Variants in XKR4 observed in about 807,000 individuals in gnomAD.
The protein encoded by XKR4 is XK related 4.
A neutral mutation model predicts 53.9 loss-of-function variants in XKR4; 12 were observed. The observed-to-expected ratio is 0.22, with a 90% confidence interval of 0.14 to 0.36. The LOEUF (loss-of-function observed/expected upper bound fraction) is 0.36. XKR4 is among the 10% of genes least tolerant of loss of function. The pLI, the probability that XKR4 is intolerant of heterozygous loss-of-function variation, is 1.00. For synonymous variants in XKR4, 354 were observed against 362.4 expected, an observed-to-expected ratio of 0.98 and a Z score of 0.26; for missense variants, 799 against 859.5, an observed-to-expected ratio of 0.93 and a Z score of 0.88.
chr8:55,523,932 G>A lies in XKR4; in HGVS notation c.1658G>A (p.Arg553His). The A allele has an allele frequency of 2.5e-6, 4 of 1,614,134 alleles. No individual in the cohort carries two copies. The highest frequency in any genetic ancestry group is 3.4e-6 in the Non-Finnish European group (4 of 1,180,020). The change falls in exon 3 of 3, where the codon CGC becomes CAC. Residue 553 changes from arginine (R) to histidine (H), a missense_variant. Arg to His is a conservative substitution (Grantham distance 29, BLOSUM62 0). This residue lies in a region of XKR4 where 269 missense variants were observed against 264.4 expected (regional missense o/e 1.02). Transcript: ENST00000327381. The part of the protein sequence containing the change: ...TSTLRSISNN[R>H]SVVSDRDQKF... ...ACCCTACGGTCCATCTCCAACAACC[G>A]CAGTGTTGTCAGCGACCGCGATCAG...
chr8:55,305,697 G>A (rs1401306171), intron 1 of XKR4, among the ~76,000 whole-genome samples: 1 of 152,048 alleles, frequency 6.6e-6, no homozygotes, highest in Non-Finnish European at 1.5e-5. Context: ...ATAAATATTA[G>A]GACTGATGCT....
intron 2 of XKR4, among the ~76,000 whole-genome samples, chr8:55,502,525 C>T (rs981925213): frequency 6.6e-6 from 1 of 152,046 alleles, no homozygotes; most frequent in African/African-American, 2.4e-5. Flanking sequence ...ATCTGTGTAA[C>T]CTCTTTGAAG....
At chr8:55,485,695 G>A (rs746748829) in intron 2 of XKR4, among the ~76,000 whole-genome samples, 6 of 151,994 alleles carry the variant, frequency 3.9e-5, no homozygotes, top group Non-Finnish European at 5.9e-5. Context: ...CACCGTACCC[G>A]GCCTAAGTGT....
intron 1 of XKR4, among the ~76,000 whole-genome samples, chr8:55,106,735 A>T (rs1816155149): frequency 6.6e-6 from 1 of 152,148 alleles, no homozygotes; most frequent in South Asian, 2.1e-4. Context: ...GAAAATATGC[A>T]CATTGTAAAT....
chr8:55,439,451 G>A (rs1029515972), intron 2 of XKR4, among the ~76,000 whole-genome samples: 1 of 152,082 alleles, frequency 6.6e-6, no homozygotes, highest in East Asian at 1.9e-4. Flanking sequence ...GCAGATACTG[G>A]ATCTATTAGA....
rs78566756 is a variant in XKR4 at position 55,165,282 on chromosome 8, C to A, written c.806+61988C>A. 2.3e-3 allele frequency among the ~76,000 whole-genome samples: 356 copies of A among 152,026 alleles called. 1 individual carries two copies. Among genetic ancestry groups the A allele is most frequent in the African/African-American group, 8.3e-3 (343 of 41,452 alleles). On this transcript the variant is annotated intron_variant, in intron 1 of 2. Transcript: ENST00000327381. ...AGACAAAAGAGGAACCAGGGCTAATCAAAATGCCAGCTATTTTAAGATCTT... is the reference window on the plus strand; with the variant it reads ...AGACAAAAGAGGAACCAGGGCTAATAAAAATGCCAGCTATTTTAAGATCTT...
intron 1 of XKR4, among the ~76,000 whole-genome samples, chr8:55,340,894 G>A (rs1803535296): frequency 1.3e-5 from 2 of 152,194 alleles, no homozygotes; most frequent in Non-Finnish European, 2.9e-5. Flanking sequence ...GGTCACACAT[G>A]TGTCACCGCG....
chr8:55,304,778 G>T (rs1260515095), intron 1 of XKR4, among the ~76,000 whole-genome samples: 2 of 151,942 alleles, frequency 1.3e-5, no homozygotes, highest in African/African-American at 4.8e-5. Flanking sequence ...TTTGATCTTT[G>T]TTGGTTTAAG....
intron 2 of XKR4, among the ~76,000 whole-genome samples, chr8:55,413,727 C>T (rs1347403323): frequency 1.3e-5 from 2 of 152,144 alleles, no homozygotes; most frequent in African/African-American, 4.8e-5. Context: ...TTTTGCCACT[C>T]AAGCGATATT....
chr8:55,397,647 T>C (rs1157462847), intron 2 of XKR4, among the ~76,000 whole-genome samples: 2 of 151,580 alleles, frequency 1.3e-5, no homozygotes, highest in East Asian at 3.9e-4. Context: ...CACACACACA[T>C]GGGTGCACAC....
At position 55,537,537 on chromosome 8, in the gene XKR4, G is replaced by A. The variant is rs182818306; in HGVS notation, c.*13310G>A. 15 of 152,308 alleles carry A rather than the reference G, an allele frequency of 9.8e-5. No homozygotes were observed. In the East Asian group the frequency reaches 2.9e-3, roughly 29 times the overall value. 9.4% of individuals were successfully genotyped at this position (152,308 alleles called of 1,614,324 possible). A position where few individuals can be genotyped will look rare whatever the true frequency, so the allele number is the denominator to read the frequency against. ...GATTCACCGTGAGCAGGCACACAGAGTACGGAAAGGTATTCAACTATGCAA... is the reference window on the plus strand; with the variant it reads ...GATTCACCGTGAGCAGGCACACAGAATACGGAAAGGTATTCAACTATGCAA... On this transcript the variant is annotated 3_prime_UTR_variant, in exon 3 of 3. Coordinates refer to ENST00000327381, the MANE Select transcript of XKR4 (RefSeq NM_052898.2).
At chr8:55,149,396 G>T (rs1323524897) in intron 1 of XKR4, among the ~76,000 whole-genome samples, 2 of 152,170 alleles carry the variant, frequency 1.3e-5, no homozygotes, top group African/African-American at 4.8e-5. Context: ...AGGTCGGGGT[G>T]GGGACAGGAG....
intron 1 of XKR4, among the ~76,000 whole-genome samples, chr8:55,116,153 T>C (rs116244543): frequency 0.01 from 1,562 of 152,266 alleles, 32 homozygotes; most frequent in African/African-American, 0.035. Flanking sequence ...AGTTTGTGTA[T>C]GCTGGCTGGA....
At chr8:55,177,805 G>T (rs1456687217) in intron 1 of XKR4, among the ~76,000 whole-genome samples, 1 of 152,124 alleles carries the variant, frequency 6.6e-6, no homozygotes, top group African/African-American at 2.4e-5. Context: ...CATTTGTCAT[G>T]GTTGTTCTTC....
At chr8:55,348,938 C>T (rs895874289) in intron 1 of XKR4, among the ~76,000 whole-genome samples, 7 of 152,064 alleles carry the variant, frequency 4.6e-5, no homozygotes, top group African/African-American at 1.7e-4. Flanking sequence ...GAGTGGTTTC[C>T]ACAGACTTTG....
At chr8:55,341,137 T>C (rs916101069) in intron 1 of XKR4, among the ~76,000 whole-genome samples, 1 of 152,114 alleles carries the variant, frequency 6.6e-6, no homozygotes, top group Non-Finnish European at 1.5e-5. Context: ...AAGAGGTTTA[T>C]TTAAAGGTGG....
chr8:55,113,256 C>T lies in XKR4; in HGVS notation c.806+9962C>T, dbSNP rs188671197. 1.8e-3 allele frequency among the ~76,000 whole-genome samples: 279 copies of T among 152,302 alleles called. 1 individual carries two copies. Among genetic ancestry groups the T allele is most frequent in the Non-Finnish European group, 2.5e-3 (168 of 68,006 alleles). On this transcript the variant is annotated intron_variant, in intron 1 of 2. Transcript: ENST00000327381. ...TACTCTAGAAAATATCACTGTGTTG[C>T]CTTCTCTAATCTGCTAATAGGAAAG...
intron 1 of XKR4, among the ~76,000 whole-genome samples, chr8:55,182,717 A>C (rs1817326218): frequency 6.6e-6 from 1 of 152,180 alleles, no homozygotes; most frequent in African/African-American, 2.4e-5. Flanking sequence ...TATGTTATAA[A>C]ATTGTGTAAT....
At position 55,102,679 on chromosome 8, in the gene XKR4, G is replaced by A; in HGVS notation, c.191G>A (p.Cys64Tyr). ...CCPDGGGCSR[C>Y]CCCCAGSGGS... ...CCGGACGGCGGCGGCTGCTCGCGCT[G>A]CTGCTGCTGCTGCGCCGGGAGTGGC... Residue 64 changes from cysteine to tyrosine, a missense_variant, in exon 1 of 3, where the codon TGC (cysteine) becomes TAC (tyrosine). Cys to Tyr is a radical substitution (Grantham distance 194). Around this residue, in one of 3 missense-constraint regions of XKR4, gnomAD observed 476 missense variants for 505.4 expected, o/e 0.94. Coordinates refer to ENST00000327381, the MANE Select transcript of XKR4 (RefSeq NM_052898.2). This position sits in a 1 kb window ranked among gnomAD's most constrained non-coding sequence, Gnocchi z 5.1. 6.7e-6 allele frequency: 8 copies of A among 1,201,236 alleles called. No individual in the cohort carries two copies. Among genetic ancestry groups the A allele is most frequent in the Non-Finnish European group, 8.3e-6 (8 of 960,762 alleles). The allele number at this position is 1,201,236 out of a possible 1,614,324, so 74.4% of individuals were successfully genotyped here. A position where few individuals can be genotyped will look rare whatever the true frequency, so the allele number is the denominator to read the frequency against.
Sources: allele counts gnomAD v4.1 joint callset (sites outside exome capture counted in the v4.1 genomes callset), GRCh38; gene constraint gnomAD v4.1.1; regional missense constraint gnomAD v4.1.1; non-coding constraint Gnocchi (gnomAD v3.1); transcripts MANE v1.5; gene names NCBI Gene and HGNC (gene_info 2026-07-23, HGNC 2026-07-21).